The following NBAS variants were observed in gnomAD, a reference collection of about 807,000 sequenced individuals.
NBAS encodes NAG/BC035112 fusion.
In NBAS, 219 loss-of-function variants were observed where a neutral mutation model predicts 302.5. The observed-to-expected ratio is 0.72, with a 90% CI of 0.65 to 0.81. The LOEUF is 0.81. Ranked by LOEUF, NBAS falls within the 30% of genes least tolerant of loss-of-function variation. NBAS has a pLI of 0.00. For missense variants in NBAS, 2,932 were observed against 2,841.6 expected (o/e 1.03, Z -0.72); for synonymous variants, 1,118 against 1,021.6 (o/e 1.09, Z -1.80).
At chr2:15,468,775 C>T (rs1679834101) in intron 16 of NBAS, among the ~76,000 whole-genome samples, 3 of 152,186 alleles carry the variant, frequency 2.0e-5, no homozygotes, top group Admixed American at 6.5e-5. Context: ...TACGCAGAAA[C>T]AGAAAGCTCA....
chr2:15,335,192 A>AT (rs1672525543), intron 35 of NBAS, among the ~76,000 whole-genome samples: 1 of 151,816 alleles, frequency 6.6e-6, no homozygotes, highest in African/African-American at 2.4e-5. Flanking sequence ...AAAAAAAAAA[A>AT]AAAAAATTGT....
chr2:15,372,863 T>C (rs913898677), intron 31 of NBAS, among the ~76,000 whole-genome samples: 6 of 152,192 alleles, frequency 3.9e-5, no homozygotes, highest in Admixed American at 3.3e-4. Context: ...CAGGGCTTAA[T>C]GTAACATTTC....
At chr2:15,049,425 C>G in the NBAS span, among the ~76,000 whole-genome samples, 2 of 152,176 alleles carry the variant, frequency 1.3e-5, no homozygotes, top group Admixed American at 6.5e-5. Flanking sequence ...GAGGTCCCTG[C>G]TACTTGGTCA....
chr2:15,088,046 CCGTAGGGTGAGCTGCACCA>C, the NBAS span, among the ~76,000 whole-genome samples: 1 of 152,144 alleles, frequency 6.6e-6, no homozygotes, highest in Admixed American at 6.5e-5. Flanking sequence ...GAGGAGATAC[CCGTAGGGTGAGCTGCACCA>C]CATAAATGGG....
At chr2:15,058,416 A>G in the NBAS span, among the ~76,000 whole-genome samples, 1 of 152,352 alleles carries the variant, frequency 6.6e-6, no homozygotes, top group African/African-American at 2.4e-5. Context: ...CCTATAATTT[A>G]TTATCTAACA....
intron 31 of NBAS, among the ~76,000 whole-genome samples, chr2:15,368,098 CATTT>C (rs1338965169): frequency 2.0e-5 from 3 of 150,968 alleles, no homozygotes; most frequent in Admixed American, 6.6e-5. Flanking sequence ...TATACATACA[CATTT>C]ATTTTTTTCT....
chr2:15,088,068 T>A, the NBAS span, among the ~76,000 whole-genome samples: 1 of 152,174 alleles, frequency 6.6e-6, no homozygotes, highest in Non-Finnish European at 1.5e-5. Flanking sequence ...CTGCACCACA[T>A]AAATGGGGCC....
the NBAS span, among the ~76,000 whole-genome samples, chr2:14,908,739 G>A: frequency 2.6e-5 from 4 of 152,286 alleles, no homozygotes; most frequent in East Asian, 7.7e-4. Context: ...GAGTCCAAAA[G>A]GAAAGAGCAT....
chr2:15,134,554 G>A, the NBAS span, among the ~76,000 whole-genome samples: 1 of 152,120 alleles, frequency 6.6e-6, no homozygotes, highest in African/African-American at 2.4e-5. Context: ...GATGATCTCA[G>A]AAATAAAAGT....
At chr2:15,051,888 C>G in the NBAS span, among the ~76,000 whole-genome samples, 1 of 152,248 alleles carries the variant, frequency 6.6e-6, no homozygotes, top group South Asian at 2.1e-4. Flanking sequence ...GAATGTTCAA[C>G]CCCTACCTCT....
downstream of NBAS, among the ~76,000 whole-genome samples, chr2:15,163,295 C>T (rs961875661): frequency 2.6e-5 from 4 of 152,174 alleles, no homozygotes; most frequent in African/African-American, 9.7e-5. Context: ...CAGAGTGGGA[C>T]TAGAAGGGAG....
the NBAS span, among the ~76,000 whole-genome samples, chr2:15,036,631 G>A: frequency 6.6e-5 from 10 of 152,182 alleles, no homozygotes; most frequent in Non-Finnish European, 1.0e-4. Flanking sequence ...GATATAACTG[G>A]AGGGATCTGA....
At chr2:14,808,544 A>G in the NBAS span, among the ~76,000 whole-genome samples, 371 of 152,262 alleles carry the variant, frequency 2.4e-3, no homozygotes, top group African/African-American at 8.1e-3. Flanking sequence ...CTCTTTGCCT[A>G]CTGCCATTGA....
At chr2:15,220,329 T>C (rs1310360328) in intron 47 of NBAS, among the ~76,000 whole-genome samples, 2 of 152,174 alleles carry the variant, frequency 1.3e-5, no homozygotes, top group Non-Finnish European at 2.9e-5. Context: ...TTAAGCAAAG[T>C]AGGCATCATA....
chr2:15,465,962 C>T (rs984992138), intron 19 of NBAS, among the ~76,000 whole-genome samples: 2 of 152,088 alleles, frequency 1.3e-5, no homozygotes, highest in African/African-American at 4.8e-5. Context: ...CAAAACATCA[C>T]AGAACTCAGG....
At chr2:15,009,228 C>T in the NBAS span, among the ~76,000 whole-genome samples, 1 of 152,138 alleles carries the variant, frequency 6.6e-6, no homozygotes, top group African/African-American at 2.4e-5. Flanking sequence ...AACCAGTCTC[C>T]AGCAATCCCA....
the NBAS span, among the ~76,000 whole-genome samples, chr2:14,972,704 T>C: frequency 6.6e-6 from 1 of 152,222 alleles, no homozygotes; most frequent in Non-Finnish European, 1.5e-5. Context: ...AAAGCAGTGT[T>C]GCCTCTCAAA....
chr2:15,267,813 T>A (rs989032712), intron 44 of NBAS, among the ~76,000 whole-genome samples: 1 of 152,188 alleles, frequency 6.6e-6, no homozygotes, highest in East Asian at 1.9e-4. Flanking sequence ...AAAATTAACT[T>A]ACTTATAAAC....
At chr2:15,047,244 A>G in the NBAS span, among the ~76,000 whole-genome samples, 1 of 152,218 alleles carries the variant, frequency 6.6e-6, no homozygotes, top group African/African-American at 2.4e-5. Flanking sequence ...AACAAGGGAG[A>G]AGGAGGCACA....
Sources: allele counts gnomAD v4.1 joint callset (sites outside exome capture counted in the v4.1 genomes callset), GRCh38; gene constraint gnomAD v4.1.1; transcripts MANE v1.5; gene names NCBI Gene and HGNC (gene_info 2026-07-23, HGNC 2026-07-21).